Variants in HCN1 observed in about 807,000 individuals in gnomAD.
HCN1 encodes the protein hyperpolarization activated cyclic nucleotide gated potassium channel 1.
In HCN1, 13 loss-of-function variants were observed where a neutral mutation model predicts 78.9. The ratio of observed to expected loss-of-function variants is 0.16; its 90% CI spans 0.11 to 0.26. The LOEUF is 0.26. Among genes scored for constraint, HCN1 ranks in the 10% least tolerant of loss-of-function variants. HCN1 has a pLI of 1.00. For synonymous variants in HCN1, 552 were observed against 455.5 expected (o/e 1.21, Z -2.70); for missense variants, 810 against 1,154.3 (o/e 0.70, Z 4.32).
At chr5:45,581,141 T>TACAGTCCC (rs1221022254) in intron 2 of HCN1, among the ~76,000 whole-genome samples, 1 of 152,224 alleles carries the variant, frequency 6.6e-6, no homozygotes, top group South Asian at 2.1e-4. Flanking sequence ...TGAACTAGTT[T>TACAGTCCC]ACAGTCCCAC....
At chr5:45,439,130 T>C (rs984850365) in intron 3 of HCN1, among the ~76,000 whole-genome samples, 8 of 152,140 alleles carry the variant, frequency 5.3e-5, no homozygotes, top group African/African-American at 1.9e-4. Context: ...ATAAGCACTA[T>C]TTCAATTTAA....
chr5:45,383,959 A>G (rs985665816), intron 4 of HCN1, among the ~76,000 whole-genome samples: 2 of 152,162 alleles, frequency 1.3e-5, no homozygotes, highest in Non-Finnish European at 2.9e-5. Flanking sequence ...TCTGAGAAAC[A>G]GGTAAGAAGT....
At chr5:45,440,331 G>A (rs1231416492) in intron 3 of HCN1, among the ~76,000 whole-genome samples, 2 of 152,078 alleles carry the variant, frequency 1.3e-5, no homozygotes, top group Non-Finnish European at 2.9e-5. Context: ...GAACAGTCAA[G>A]AAATATTTGT....
chr5:45,544,710 C>T (rs932819521), intron 2 of HCN1, among the ~76,000 whole-genome samples: 1 of 147,254 alleles, frequency 6.8e-6, no homozygotes, highest in East Asian at 2.1e-4. Flanking sequence ...GTTTGGTTTT[C>T]TGTCCTTGCG....
intron 5 of HCN1, among the ~76,000 whole-genome samples, chr5:45,350,576 A>C (rs1267384982): frequency 6.6e-6 from 1 of 151,618 alleles, no homozygotes; most frequent in East Asian, 1.9e-4. Context: ...GAAAAGAGGA[A>C]GTCAAATTGT....
At chr5:45,692,786 C>T (rs1404243570) in intron 1 of HCN1, among the ~76,000 whole-genome samples, 1 of 152,030 alleles carries the variant, frequency 6.6e-6, no homozygotes. Context: ...AAGTAGAAAG[C>T]TATCAGTCTT....
chr5:45,687,205 GT>G (rs1476161514), intron 1 of HCN1, among the ~76,000 whole-genome samples: 1 of 152,066 alleles, frequency 6.6e-6, no homozygotes, highest in Non-Finnish European at 1.5e-5. Flanking sequence ...ATTCAATGGT[GT>G]TGTAAAGCTT....
rs867511287 is a variant in HCN1, at chr5:45,302,894, T to G, written c.1618+705A>C. ...TGCTGCCATCATGTAAGAAGTACCT[T>G]TTGCCTTCTGCCATGATTCTGAGGC... is the stretch of plus-strand genomic sequence containing the variant. On this transcript the variant is annotated intron_variant, in intron 6 of 7. Coordinates refer to ENST00000303230, the MANE Select transcript of HCN1 (RefSeq NM_021072.4). 1.3e-5 allele frequency among the ~76,000 whole-genome samples: 2 copies of G among 152,050 alleles called. 1 individual carries two copies. The highest frequency in any genetic ancestry group is 4.1e-4 in the South Asian group (2 of 4,824).
At chr5:45,602,929 T>A (rs184690490) in intron 2 of HCN1, among the ~76,000 whole-genome samples, 166 of 152,222 alleles carry the variant, frequency 1.1e-3, no homozygotes, top group African/African-American at 3.9e-3. Context: ...TGAACCCACA[T>A]AATATCAACA....
At chr5:45,574,798 C>G (rs1410450489) in intron 2 of HCN1, 1 of 152,152 alleles carries the variant, frequency 6.6e-6, no homozygotes, top group East Asian at 1.9e-4. Context: ...AACAGCCTTG[C>G]TGTTGATGTG....
At position 45,462,349 on chromosome 5, in the gene HCN1, A is replaced by G. The variant is rs77867477; in HGVS notation, c.850-342T>C. ...TTTAAAACAAGGTAGCAAAATTTAC[A>G]AATGATGGGTAGCTTCTACTCTGCT... On this transcript the variant is annotated intron_variant, in intron 2 of 7. Coordinates refer to ENST00000303230, the MANE Select transcript of HCN1 (RefSeq NM_021072.4). 7.2e-3 allele frequency among the ~76,000 whole-genome samples: 1,103 copies of G among 152,226 alleles called. 91 individuals carry two copies. In the East Asian group the frequency reaches 0.18, roughly 25 times the overall value.
At chr5:45,377,415 G>A (rs2112021623) in intron 4 of HCN1, among the ~76,000 whole-genome samples, 2 of 151,880 alleles carry the variant, frequency 1.3e-5, no homozygotes, top group African/African-American at 4.8e-5. Flanking sequence ...TATTAAAAAT[G>A]ATCTTTTTTG....
intron 2 of HCN1, among the ~76,000 whole-genome samples, chr5:45,532,422 G>C (rs1742873259): frequency 6.6e-6 from 1 of 152,124 alleles, no homozygotes; most frequent in Non-Finnish European, 1.5e-5. Context: ...AAAAGAATGT[G>C]ATTTCCAACC....
chr5:45,478,662 G>A (rs550047223), intron 2 of HCN1, among the ~76,000 whole-genome samples: 1 of 152,294 alleles, frequency 6.6e-6, no homozygotes, highest in African/African-American at 2.4e-5. Context: ...AAAATGCTAG[G>A]CAACCAGTGT....
Position 45,262,096 on chromosome 5 carries a change from C to T in HCN1, c.2498G>A (p.Ser833Asn), listed in dbSNP as rs2111838512. 2 of 1,612,910 alleles carry T rather than the reference C, an allele frequency of 1.2e-6. No homozygotes were observed. Among genetic ancestry groups the T allele is most frequent in the East Asian group, 2.2e-5 (1 of 44,844 alleles). Reference sequence around the variant, plus strand: ...GAGGGTGACGCGCTGCGGGACAGTGCTCCTGCCCCCTGCCTGAAGGCCCGT... The same window carrying T: ...GAGGGTGACGCGCTGCGGGACAGTGTTCCTGCCCCCTGCCTGAAGGCCCGT... ...PGTGLQAGGR[S>N]TVPQRVTLFR... The change falls in exon 8 of 8, where the codon AGC becomes AAC. Residue 833 changes from serine (S) to asparagine (N), a missense_variant. Ser to Asn is a conservative substitution (Grantham distance 46). Around this residue, in one of 6 missense-constraint regions of HCN1, gnomAD observed 398 missense variants for 381.3 expected, o/e 1.04. Coordinates refer to ENST00000303230, the MANE Select transcript of HCN1 (RefSeq NM_021072.4).
chr5:45,372,404 T>A (rs1388810184), intron 4 of HCN1, among the ~76,000 whole-genome samples: 306 of 118,200 alleles, frequency 2.6e-3, no homozygotes, highest in African/African-American at 9.5e-3. Context: ...TTATATAAAA[T>A]ATAATTATAT....
chr5:45,302,312 TGAA>T (rs1356374604), intron 6 of HCN1, among the ~76,000 whole-genome samples: 2 of 152,074 alleles, frequency 1.3e-5, no homozygotes, highest in Non-Finnish European at 2.9e-5. Flanking sequence ...CTGCTGCCTG[TGAA>T]GAAGTTGCTT....
chr5:45,429,101 T>TATAGGTG lies in HCN1; in HGVS notation c.1012-32398_1012-32392dup, dbSNP rs540704192. 1.6e-4 allele frequency among the ~76,000 whole-genome samples: 25 copies of TATAGGTG among 152,280 alleles called. No individual in the cohort carries two copies. The South Asian group carries it at 5.2e-3, about 32-fold the overall frequency. ...TAGAGGTTTGAATTATTATTATCTT[T>TATAGGTG]ATAGGTGATGGAACTGATGCTCAAA... is the stretch of plus-strand genomic sequence containing the variant. On this transcript the variant is annotated intron_variant, in intron 3 of 7. Transcript: ENST00000303230.
chr5:45,493,707 G>A (rs910597670), intron 2 of HCN1, among the ~76,000 whole-genome samples: 11 of 150,954 alleles, frequency 7.3e-5, no homozygotes, highest in South Asian at 2.1e-4. Context: ...CCACTAACTC[G>A]TCATCTAGCA....
Sources: gnomAD v4.1 joint callset for allele counts (sites outside exome capture counted in the v4.1 genomes callset) on GRCh38, gnomAD v4.1.1 for gene constraint, gnomAD v4.1.1 regional missense constraint, MANE v1.5 for transcripts, NCBI Gene and HGNC (gene_info 2026-07-23, HGNC 2026-07-21) for gene names.